The following RPA2 variants were observed in gnomAD, a reference collection of about 807,000 sequenced individuals.
RPA2 encodes replication protein A 32 kDa subunit.
Under a neutral mutation model 33.4 loss-of-function variants are expected in RPA2, and 22 were observed. The ratio of observed to expected loss-of-function variants is 0.66; its 90% CI spans 0.47 to 0.94. RPA2 has a LOEUF of 0.94. Among genes scored for constraint, RPA2 ranks in the 40% least tolerant of loss-of-function variants. RPA2 has a pLI of 0.00. For missense variants in RPA2, 279 were observed against 329.9 expected, an observed-to-expected ratio of 0.85 and a Z score of 1.19; for synonymous variants, 109 against 114.9, an observed-to-expected ratio of 0.95 and a Z score of 0.33.
chr1:27,902,483 C>T (rs1336266286), intron 4 of RPA2, among the ~76,000 whole-genome samples: 1 of 151,844 alleles, frequency 6.6e-6, no homozygotes, highest in African/African-American at 2.4e-5. Context: ...TGGGTTATAC[C>T]ATGTTGGCCA....
At chr1:27,897,773 C>G in intron 4 of RPA2, 66 bp from the exon 5 acceptor site, 1 of 1,154,634 alleles carries the variant, frequency 8.7e-7, no homozygotes, top group Non-Finnish European at 1.2e-6. Context: ...TTTAACGTTT[C>G]TATATTATGT....
intron 6 of RPA2, among the ~76,000 whole-genome samples, chr1:27,896,443 A>C (rs2089893286): frequency 6.6e-6 from 1 of 152,130 alleles, no homozygotes; most frequent in African/African-American, 2.4e-5. Context: ...CTGAGATTTC[A>C]GGCCATGAAC....
upstream of RPA2, chr1:27,914,686 C>T (rs770280692): frequency 5.6e-6 from 9 of 1,612,136 alleles, no homozygotes; most frequent in Non-Finnish European, 7.6e-6. Flanking sequence ...TACTGCGCTC[C>T]CAGTTGGCTC....
chr1:27,897,124 A>C lies in RPA2; in HGVS notation c.409-3T>G, dbSNP rs1269513184. 3 of 1,601,502 alleles carry C rather than the reference A, an allele frequency of 1.9e-6. No individual in the cohort carries two copies. On this transcript the variant is annotated splice_region_variant and splice_polypyrimidine_tract_variant and intron_variant, in intron 5 of 8. Coordinates refer to ENST00000373912, the MANE Select transcript of RPA2 (RefSeq NM_002946.5). ...AAGGCTACCAGGCTCTTTTTGTTCT[A>C]TTAAAATGAAGGAAAAAAATGTGAA...
intron 1 of RPA2, 28 bp downstream of exon 1, chr1:27,914,406 C>T: frequency 6.2e-7 from 1 of 1,611,958 alleles, no homozygotes; most frequent in Middle Eastern, 1.7e-4. Flanking sequence ...GATTCTCTTC[C>T]TCCTCCACCC....
intron 2 of RPA2, among the ~76,000 whole-genome samples, chr1:27,909,385 A>G (rs995769622): frequency 6.6e-6 from 1 of 152,196 alleles, no homozygotes; most frequent in Admixed American, 6.6e-5. Context: ...AAAAGGCAGC[A>G]GCCAAGCTTG....
chr1:27,894,007 C>T lies in RPA2; in HGVS notation c.728+5G>A. 1 of 1,605,972 alleles carries T rather than the reference C, an allele frequency of 6.2e-7. No homozygotes were observed. The highest frequency in any genetic ancestry group is 8.5e-7 in the Non-Finnish European group (1 of 1,172,494). ...AGCCTGAGCTCATGAAAATCAAATA[C>T]TTACTTGATTGAGGATACAGACATG... On this transcript the variant is annotated splice_donor_5th_base_variant and intron_variant, in intron 8 of 8. Coordinates refer to ENST00000373912, the MANE Select transcript of RPA2 (RefSeq NM_002946.5).
upstream of RPA2, chr1:27,914,669 A>G: frequency 3.7e-6 from 6 of 1,613,398 alleles, no homozygotes; most frequent in Non-Finnish European, 5.1e-6. Flanking sequence ...ATGCTCCAGA[A>G]AACGCGTACT....
At chr1:27,894,169 T>C (rs1215982781) in intron 7 of RPA2, 63 bp from the exon 8 acceptor site, 2 of 1,530,316 alleles carry the variant, frequency 1.3e-6, no homozygotes, top group Non-Finnish European at 1.8e-6. Context: ...TTTGCAAACC[T>C]GAGTCCCTTT....
chr1:27,907,312 T>G (rs746373645), intron 2 of RPA2, 30 bp from the exon 3 acceptor site: 1 of 1,552,856 alleles, frequency 6.4e-7, no homozygotes, highest in South Asian at 1.1e-5. Context: ...AAAATTCAAT[T>G]AAGAAAGTAA....
intron 5 of RPA2, 93 bp downstream of exon 5, chr1:27,897,540 A>G (rs2089908394): frequency 2.5e-6 from 2 of 790,306 alleles, no homozygotes; most frequent in African/African-American, 3.6e-5. Flanking sequence ...AAACAGGGAG[A>G]CTTAAGTATT....
chr1:27,898,091 G>C (rs879256520), intron 4 of RPA2, among the ~76,000 whole-genome samples: 1 of 151,916 alleles, frequency 6.6e-6, no homozygotes, highest in African/African-American at 2.4e-5. Context: ...CCCAAGGGAG[G>C]GTTTGAGTAA....
At chr1:27,899,270 A>G (rs989398417) in intron 4 of RPA2, among the ~76,000 whole-genome samples, 1 of 151,656 alleles carries the variant, frequency 6.6e-6, no homozygotes, top group South Asian at 2.1e-4. Flanking sequence ...GCTCTTTGGG[A>G]GGCTGAGGCG....
At chr1:27,906,354 A>G (rs1224821989) in intron 4 of RPA2, among the ~76,000 whole-genome samples, 1 of 151,476 alleles carries the variant, frequency 6.6e-6, no homozygotes, top group East Asian at 1.9e-4. Flanking sequence ...GTGACAGCAC[A>G]AGATTCTGTC....
At chr1:27,896,933 C>A in intron 6 of RPA2, 72 bp downstream of exon 6, 1 of 1,124,598 alleles carries the variant, frequency 8.9e-7, no homozygotes, top group South Asian at 1.5e-5. Flanking sequence ...TCAAGGAAAT[C>A]AAAGCTGGAA....
Position 27,914,510 on chromosome 1 carries a change from G to T in RPA2, c.-67C>A. 3 of 1,596,450 alleles carry T rather than the reference G, an allele frequency of 1.9e-6. No homozygotes were observed. Among genetic ancestry groups the T allele is most frequent in the Non-Finnish European group, 2.6e-6 (3 of 1,172,150 alleles). The stretch of plus-strand genomic sequence containing the variant: ...TCTGGGGGAATAGCGGAAAACCACA[G>T]AACGCGGCCGCCACTGCGCCGCTCT... On this transcript the variant is annotated 5_prime_UTR_variant, in exon 1 of 9. The change creates a new upstream start codon in the 5' untranslated region. Coordinates refer to ENST00000373912, the MANE Select transcript of RPA2 (RefSeq NM_002946.5).
Position 27,891,768 on chromosome 1 carries a change from T to A in RPA2, c.*395A>T. On this transcript the variant is annotated 3_prime_UTR_variant, in exon 9 of 9. Coordinates refer to ENST00000373912, the MANE Select transcript of RPA2 (RefSeq NM_002946.5). ...GAAAACAGGCAGAGGCCAGCAGGTT[T>A]CTCGGCTAGGGCTCTGCCTATAACG... 6.1e-6 allele frequency: 1 copy of A among 163,246 alleles called. No individual in the cohort carries two copies. The highest frequency in any genetic ancestry group is 1.3e-5 in the Non-Finnish European group (1 of 75,488). 10.1% of individuals were successfully genotyped at this position (163,246 alleles called of 1,614,324 possible).
intron 6 of RPA2, among the ~76,000 whole-genome samples, chr1:27,895,572 G>A (rs977009295): frequency 1.3e-5 from 2 of 151,090 alleles, no homozygotes; most frequent in African/African-American, 2.4e-5. Context: ...AAAATTAGCC[G>A]GGTGTGGTGG....
At chr1:27,898,936 A>G (rs2089927118) in intron 4 of RPA2, among the ~76,000 whole-genome samples, 1 of 152,176 alleles carries the variant, frequency 6.6e-6, no homozygotes, top group Non-Finnish European at 1.5e-5. Flanking sequence ...ATCGGGGTAT[A>G]TGGACTCACA....
Sources: allele counts gnomAD v4.1 joint callset (sites outside exome capture counted in the v4.1 genomes callset), GRCh38; gene constraint gnomAD v4.1.1; transcripts MANE v1.5; gene names NCBI Gene and HGNC (gene_info 2026-07-23, HGNC 2026-07-21).